Variants in DISP2 observed in about 807,000 individuals in gnomAD.
DISP2 encodes dispatched RND transporter family member 2.
Under a neutral mutation model 95.5 loss-of-function variants are expected in DISP2, and 59 were observed. The ratio of observed to expected loss-of-function variants is 0.62; its 90% CI spans 0.50 to 0.77. The LOEUF is 0.77. Ranked by LOEUF, DISP2 falls within the 30% of genes least tolerant of loss-of-function variation. DISP2 has a pLI of 0.00. For synonymous variants in DISP2, 827 were observed against 815.0 expected (o/e 1.01, Z -0.25); for missense variants, 1,752 against 1,854.6 (o/e 0.94, Z 1.02).
In DISP2 at chr15:40,374,775, A is replaced by C. The variant is rs1335250377; in HGVS notation, c.*4457A>C. On this transcript the variant is annotated 3_prime_UTR_variant, in exon 8 of 8. Transcript: ENST00000267889. The stretch of plus-strand genomic sequence containing the variant: ...CAGGCACCTGCCACCACGCCTGGCA[A>C]ATTTTTTGTATTTTTAGTAAAGACG... The C allele has an allele frequency of 6.6e-6, 1 of 151,330 alleles. No homozygotes were observed. The highest frequency in any genetic ancestry group is 2.4e-5 in the African/African-American group (1 of 41,146). 9.4% of individuals were successfully genotyped at this position (151,330 alleles called of 1,614,324 possible).
At position 40,368,172 on chromosome 15, in the gene DISP2, C is replaced by T. The variant is rs1481013520; in HGVS notation, c.2060C>T (p.Ser687Leu). Residue 687 changes from serine (S) to leucine (L), a missense_variant, in exon 8 of 8, where the codon TCG becomes TTG. Around this residue, in one of 5 missense-constraint regions of DISP2, gnomAD observed 732 missense variants for 714.6 expected, o/e 1.02. Coordinates refer to ENST00000267889, the MANE Select transcript of DISP2 (RefSeq NM_033510.3). ...RGLRRAAAGT[S>L]RLLFQRLLPC... is the part of the protein sequence containing the mutation. ...CTGCGGAGGGCGGCGGCTGGCACCT[C>T]GCGTCTGCTCTTCCAGCGCCTGCTG... 2 of 1,579,550 alleles carry T rather than the reference C, an allele frequency of 1.3e-6. No individual in the cohort carries two copies. The highest frequency in any genetic ancestry group is 2.4e-5 in the East Asian group (1 of 42,116).
At chr15:40,364,373 C>T in intron 3 of DISP2, 48 bp from the exon 4 acceptor site, 1 of 1,613,326 alleles carries the variant, frequency 6.2e-7, no homozygotes, top group Non-Finnish European at 8.5e-7. Flanking sequence ...GAGCTCAGCA[C>T]CCGTTGCTAC....
At chr15:40,365,372 G>T in intron 6 of DISP2, 98 bp downstream of exon 6, 2 of 1,523,548 alleles carry the variant, frequency 1.3e-6, no homozygotes. Context: ...GACAGAAAGG[G>T]AAGGTGGCCA....
chr15:40,368,351 G>A lies in DISP2; in HGVS notation c.2239G>A (p.Glu747Lys), dbSNP rs1238491539. The A allele has an allele frequency of 6.2e-7, 1 of 1,605,510 alleles. No individual in the cohort carries two copies. Among genetic ancestry groups the A allele is most frequent in the South Asian group, 1.1e-5 (1 of 91,002 alleles). Residue 747 changes from glutamate (E) to lysine (K), a missense_variant, in exon 8 of 8, where the codon GAG becomes AAG. Glu to Lys is a moderately conservative substitution (Grantham distance 56). Transcript: ENST00000267889. ...GQVFRPSHPFERFDAEYRQLF... is the reference protein window; with the variant it reads ...GQVFRPSHPFKRFDAEYRQLF... ...GGTCTTCCGGCCCAGCCACCCCTTCGAGCGCTTCGACGCGGAGTATCGCCA... is the reference window on the plus strand; with the variant it reads ...GGTCTTCCGGCCCAGCCACCCCTTCAAGCGCTTCGACGCGGAGTATCGCCA...
rs1889625452 is a variant in DISP2, at chr15:40,370,541, G to A, written c.*223G>A. ...GCAGGAGGGGTTTTGGAGGGGACCT[G>A]CTTGCGACCTGCTGAGGGCTTGTCT... is the stretch of plus-strand genomic sequence containing the variant. On this transcript the variant is annotated 3_prime_UTR_variant, in exon 8 of 8. Coordinates refer to ENST00000267889, the MANE Select transcript of DISP2 (RefSeq NM_033510.3). 1.2e-6 allele frequency: 1 copy of A among 835,634 alleles called. No homozygotes were observed. The highest frequency in any genetic ancestry group is 1.7e-5 in the African/African-American group (1 of 59,832). 51.8% of individuals were successfully genotyped at this position (835,634 alleles called of 1,614,324 possible).
In DISP2 at chr15:40,369,442, C is replaced by T. The variant is rs1022945372; in HGVS notation, c.3330C>T (p.Leu1110=). 1.2e-6 allele frequency: 2 copies of T among 1,613,338 alleles called. No homozygotes were observed. The highest frequency in any genetic ancestry group is 1.7e-6 in the Non-Finnish European group (2 of 1,180,038). ...CGFASFFFQS[L]CCFFGPEKNC... ...TTGCCAGCTTCTTCTTCCAATCTCT[C>T]TGCTGTTTCTTCGGGCCAGAGAAGA... The change falls in exon 8 of 8, where the codon CTC becomes CTT. Residue 1110 remains leucine (L), a synonymous_variant. Coordinates refer to ENST00000267889, the MANE Select transcript of DISP2 (RefSeq NM_033510.3).
At chr15:40,358,611 G>A (rs1489988393) in intron 1 of DISP2, among the ~76,000 whole-genome samples, 171 bp downstream of exon 1, 1 of 151,580 alleles carries the variant, frequency 6.6e-6, no homozygotes, top group Non-Finnish European at 1.5e-5. Context: ...TCATCCTGCC[G>A]GGTCAATTTC....
chr15:40,368,608 G>A lies in DISP2; in HGVS notation c.2496G>A (p.Trp832Ter). 1 of 1,606,740 alleles carries A rather than the reference G, an allele frequency of 6.2e-7. No homozygotes were observed. Among genetic ancestry groups the A allele is most frequent in the Admixed American group, 1.7e-5 (1 of 60,026 alleles). ...TCTTCGACACCCTGCAGGAAGGCTG[G>A]CCCACGCTGTGTTTCGTGGAGACCC... Reference protein sequence around the residue: ...QSFFDTLQEGWPTLCFVETLQ... With the variant: ...QSFFDTLQEG The change falls in exon 8 of 8, where the codon TGG becomes TGA. Residue 832 changes from tryptophan to a stop codon, truncating the protein, a stop_gained. Transcript: ENST00000267889. LOFTEE classifies it high-confidence loss of function.
At position 40,374,229 on chromosome 15, in the gene DISP2, A is replaced by ATTT. The variant is rs1889696445; in HGVS notation, c.*3911_*3912insTTT. 8.6e-6 allele frequency: 1 copy of ATTT among 116,262 alleles called. No individual in the cohort carries two copies. The allele number at this position is 116,262 out of a possible 1,614,324, so 7.2% of individuals were successfully genotyped here. ...AGACAATTTTTTTTTTTTTTTTTTG[A>ATTT]GACAGAGTCTTGCTCTGTCGCCCAG... On this transcript the variant is annotated 3_prime_UTR_variant, in exon 8 of 8. Coordinates refer to ENST00000267889, the MANE Select transcript of DISP2 (RefSeq NM_033510.3).
Position 40,358,498 on chromosome 15 carries a change from C to A in DISP2, c.119+58C>A, listed in dbSNP as rs1010141347. 1.2e-4 allele frequency: 143 copies of A among 1,159,140 alleles called. 1 individual carries two copies. Among genetic ancestry groups the A allele is most frequent in the Non-Finnish European group, 1.5e-4 (139 of 918,426 alleles). The allele number at this position is 1,159,140 out of a possible 1,614,324, so 71.8% of individuals were successfully genotyped here. A position where few individuals can be genotyped will look rare whatever the true frequency, so the allele number is the denominator to read the frequency against. On this transcript the variant is annotated intron_variant, in intron 1 of 7. Transcript: ENST00000267889. ...AGACCCTCCCAGACCCTCCCCGCCC[C>A]AGGTATCCCCAGTAGCCGCCATATG...
At position 40,367,827 on chromosome 15, in the gene DISP2, A is replaced by C. The variant is rs747083128; in HGVS notation, c.1715A>C (p.Gln572Pro). 1.9e-6 allele frequency: 3 copies of C among 1,602,642 alleles called. No homozygotes were observed. In the African/African-American group the frequency reaches 4.0e-5, roughly 21 times the overall value. ...GACCTGTGGCGCCTTAGCAAGAGCC[A>C]GCTGCCGTCGGGGGGGCTGGCGCAG... The part of the protein sequence containing the change: ...FFDLWRLSKS[Q>P]LPSGGLAQRV... Residue 572 changes from glutamine (Q) to proline (P), a missense_variant, in exon 8 of 8, where the codon CAG becomes CCG. Transcript: ENST00000267889.
At position 40,370,844 on chromosome 15, in the gene DISP2, G is replaced by C; in HGVS notation, c.*526G>C. On this transcript the variant is annotated 3_prime_UTR_variant, in exon 8 of 8. Transcript: ENST00000267889. ...GCTTCTCTGGGCAGAATTGGGCTGGGACCTCTCTCCCCAACTGCCCTGCTC... is the reference window on the plus strand; with the variant it reads ...GCTTCTCTGGGCAGAATTGGGCTGGCACCTCTCTCCCCAACTGCCCTGCTC... 2 of 336,648 alleles carry C rather than the reference G, an allele frequency of 5.9e-6. No homozygotes were observed. Among genetic ancestry groups the C allele is most frequent in the Admixed American group, 7.4e-5 (2 of 26,860 alleles). The allele number at this position is 336,648 out of a possible 1,614,324, so 20.9% of individuals were successfully genotyped here. A position where few individuals can be genotyped will look rare whatever the true frequency, so the allele number is the denominator to read the frequency against.
rs1889487554 is a variant in DISP2, at chr15:40,365,711, A to G, written c.931A>G (p.Met311Val). 6.2e-7 allele frequency: 1 copy of G among 1,613,910 alleles called. No individual in the cohort carries two copies. Among genetic ancestry groups the G allele is most frequent in the Non-Finnish European group, 8.5e-7 (1 of 1,180,010 alleles). The change falls in exon 7 of 8, where the codon ATG becomes GTG. Residue 311 changes from methionine (M) to valine (V), a missense_variant. Around this residue, in one of 5 missense-constraint regions of DISP2, gnomAD observed 732 missense variants for 714.6 expected, o/e 1.02. Coordinates refer to ENST00000267889, the MANE Select transcript of DISP2 (RefSeq NM_033510.3). Reference sequence around the variant, plus strand: ...GCATGCCATCCATTCCATGTGTCGCATGGAACAGGACCAGGTGAGCTGGTG... The same window carrying G: ...GCATGCCATCCATTCCATGTGTCGCGTGGAACAGGACCAGGTGAGCTGGTG... ...NLHAIHSMCRMEQDQIRSHTS... is the reference protein window; with the variant it reads ...NLHAIHSMCRVEQDQIRSHTS...
Position 40,363,749 on chromosome 15 carries a change from G to A in DISP2, c.244G>A (p.Val82Met), listed in dbSNP as rs1889444783. The A allele has an allele frequency of 8.1e-6, 13 of 1,613,840 alleles. No homozygotes were observed. The East Asian group carries it at 2.9e-4, about 36-fold the overall frequency. Residue 82 changes from valine to methionine, a missense_variant, in exon 2 of 8, where the codon GTG becomes ATG. Around this residue, in one of 5 missense-constraint regions of DISP2, gnomAD observed 342 missense variants for 364.3 expected, o/e 0.94. Transcript: ENST00000267889. ...PPPTTSTLQP[V>M]GPSSPLAPAH... ...ACCAACAACTTCCACCCTCCAGCCT[G>A]TGGGTCCATCCAGCCCCTTGGCCCC...
At chr15:40,364,352 G>C (rs2141260423) in intron 3 of DISP2, 69 bp from the exon 4 acceptor site, 4 of 1,613,344 alleles carry the variant, frequency 2.5e-6, no homozygotes, top group East Asian at 4.5e-5. Flanking sequence ...CACCCCTTCT[G>C]GGTGGAGCCT....
At chr15:40,364,594 C>T (rs756589810) in intron 4 of DISP2, 50 bp downstream of exon 4, 1 of 1,595,304 alleles carries the variant, frequency 6.3e-7, no homozygotes, top group South Asian at 1.1e-5. Flanking sequence ...CCACCTTGAC[C>T]CAGCCTGGGG....
At chr15:40,358,751 C>T (rs1364760183) in intron 1 of DISP2, among the ~76,000 whole-genome samples, 1 of 152,202 alleles carries the variant, frequency 6.6e-6, no homozygotes, top group Non-Finnish European at 1.5e-5. Context: ...CCTTCTAGGC[C>T]CTGCCCCTGC....
At position 40,367,816 on chromosome 15, in the gene DISP2, T is replaced by A; in HGVS notation, c.1704T>A (p.Leu568=). ...TCATCTTCTTCGACCTGTGGCGCCT[T>A]AGCAAGAGCCAGCTGCCGTCGGGGG... is the stretch of plus-strand genomic sequence containing the variant. ...HTLIFFDLWR[L]SKSQLPSGGL... The change falls in exon 8 of 8, where the codon CTT becomes CTA. Residue 568 remains leucine, a synonymous_variant. Transcript: ENST00000267889. The A allele has an allele frequency of 6.2e-7, 1 of 1,604,310 alleles. No individual in the cohort carries two copies. The highest frequency in any genetic ancestry group is 8.5e-7 in the Non-Finnish European group (1 of 1,179,944).
chr15:40,369,658 C>T lies in DISP2; in HGVS notation c.3546C>T (p.Thr1182=). 1.9e-6 allele frequency: 3 copies of T among 1,612,082 alleles called. No homozygotes were observed. Among genetic ancestry groups the T allele is most frequent in the Non-Finnish European group, 2.5e-6 (3 of 1,179,994 alleles). Residue 1182 remains threonine, a synonymous_variant, in exon 8 of 8, where the codon ACC becomes ACT. Coordinates refer to ENST00000267889, the MANE Select transcript of DISP2 (RefSeq NM_033510.3). The part of the protein sequence containing the change: ...RSPSFDTSTA[T]SKLSHRPSVL... ...CCAGCTTTGACACCAGCACAGCCACCAGCAAGCTGTCCCACCGGCCCTCAG... is the reference window on the plus strand; with the variant it reads ...CCAGCTTTGACACCAGCACAGCCACTAGCAAGCTGTCCCACCGGCCCTCAG...
Sources: allele counts gnomAD v4.1 joint callset (sites outside exome capture counted in the v4.1 genomes callset), GRCh38; gene constraint gnomAD v4.1.1; regional missense constraint gnomAD v4.1.1; transcripts MANE v1.5; gene names NCBI Gene and HGNC (gene_info 2026-07-23, HGNC 2026-07-21).